Variants in ACAD9 observed in about 807,000 individuals in gnomAD.
ACAD9 encodes the protein acyl-CoA dehydrogenase family member 9, also known as complex I assembly factor ACAD9, mitochondrial.
In ACAD9, 53 loss-of-function variants were observed where a neutral mutation model predicts 70.2. That is an observed-to-expected ratio of 0.75 (90% CI 0.61 to 0.95). The LOEUF (loss-of-function observed/expected upper bound fraction) is 0.95, where lower values mean the gene tolerates loss of function less well. Ranked by LOEUF, ACAD9 falls within the 40% of genes least tolerant of loss-of-function variation. The probability of loss-of-function intolerance (pLI) is 0.00; values close to 1 mark genes in which losing one functional copy is unlikely to be tolerated. For synonymous variants in ACAD9, 313 were observed against 312.1 expected, an observed-to-expected ratio of 1.00 and a Z score of -0.03; for missense variants, 777 against 802.8, an observed-to-expected ratio of 0.97 and a Z score of 0.39.
chr3:128,880,548 C>CT (rs34401569), intron 1 of ACAD9, among the ~76,000 whole-genome samples: 356 of 145,840 alleles, frequency 2.4e-3, no homozygotes, highest in South Asian at 4.6e-3. Flanking sequence ...GCCTGCCCGG[C>CT]TTTTTTTTTT....
chr3:128,900,486 C>T (rs1164695470), intron 7 of ACAD9, among the ~76,000 whole-genome samples: 1 of 151,672 alleles, frequency 6.6e-6, no homozygotes, highest in Non-Finnish European at 1.5e-5. Flanking sequence ...GATCCGCTCA[C>T]CTCGGCCTCC....
chr3:128,880,227 T>C, intron 1 of ACAD9: 1 of 374,962 alleles, frequency 2.7e-6, no homozygotes. Context: ...TCCAGCGCCC[T>C]GGGGCTTCCT....
chr3:128,888,046 C>G (rs544749018), intron 2 of ACAD9, among the ~76,000 whole-genome samples: 1 of 152,266 alleles, frequency 6.6e-6, no homozygotes, highest in Admixed American at 6.5e-5. Context: ...AGAATAAAAG[C>G]ACAAATATTG....
chr3:128,909,170 T>G (rs1448097047), intron 14 of ACAD9, 71 bp downstream of exon 14: 2 of 1,606,918 alleles, frequency 1.2e-6, no homozygotes, highest in Non-Finnish European at 1.7e-6. Flanking sequence ...GCAGAAAAGA[T>G]CTCACTGTGG....
intron 17 of ACAD9, among the ~76,000 whole-genome samples, chr3:128,912,185 C>T (rs1300444182): frequency 6.6e-6 from 1 of 152,170 alleles, no homozygotes; most frequent in East Asian, 1.9e-4. Context: ...AGGTTATGTG[C>T]TGTGGAGGGT....
At position 128,902,131 on chromosome 3, in the gene ACAD9, C is replaced by A. The variant is rs193041851; in HGVS notation, c.883-422C>A. 1.3e-5 allele frequency among the ~76,000 whole-genome samples: 2 copies of A among 152,326 alleles called. No homozygotes were observed. The highest frequency in any genetic ancestry group is 2.9e-5 in the Non-Finnish European group (2 of 68,032). ...CAGCTGATGGACATTGGGGTTGTTA[C>A]CGCTTTTGGCTGCTATCAGTAATGC... On this transcript the variant is annotated intron_variant, in intron 8 of 17. Transcript: ENST00000308982. This position sits in a 1 kb window ranked among gnomAD's most constrained non-coding sequence, Gnocchi z 4.0.
chr3:128,889,564 A>G (rs1053735728), intron 2 of ACAD9, among the ~76,000 whole-genome samples: 1 of 152,032 alleles, frequency 6.6e-6, no homozygotes, highest in Non-Finnish European at 1.5e-5. Context: ...GCAACTGCTG[A>G]TCTGTTTTCT....
intron 1 of ACAD9, among the ~76,000 whole-genome samples, chr3:128,884,267 A>G (rs1935180472): frequency 6.6e-6 from 1 of 152,202 alleles, no homozygotes; most frequent in African/African-American, 2.4e-5. Flanking sequence ...AGAAAGGGGT[A>G]GTTTAGAGAG....
intron 2 of ACAD9, among the ~76,000 whole-genome samples, chr3:128,887,562 C>T (rs1056105129): frequency 1.3e-5 from 2 of 150,758 alleles, no homozygotes; most frequent in Non-Finnish European, 2.9e-5. Flanking sequence ...CAGCTGTGTT[C>T]ATGCCATTGA....
rs1935034068 is a variant in ACAD9 at position 128,879,822 on chromosome 3, T to A, written c.131T>A (p.Phe44Tyr). 3 of 1,614,088 alleles carry A rather than the reference T, an allele frequency of 1.9e-6. No individual in the cohort carries two copies. In the East Asian group the frequency reaches 6.7e-5, roughly 36 times the overall value. Residue 44 changes from phenylalanine to tyrosine, a missense_variant, in exon 1 of 18, where the codon TTC (phenylalanine) becomes TAC (tyrosine). Phe to Tyr is a conservative substitution (Grantham distance 22, BLOSUM62 3). Transcript: ENST00000308982. ...PPVRAFAKEL[F>Y]LGKIKKKEVF... is the part of the protein sequence containing the mutation. ...GTACGAGCTTTCGCCAAAGAGCTTTTCCTAGGCAAAATCAAGAAGGTAACG... is the reference window on the plus strand; with the variant it reads ...GTACGAGCTTTCGCCAAAGAGCTTTACCTAGGCAAAATCAAGAAGGTAACG...
chr3:128,903,816 C>G (rs1362069086), intron 9 of ACAD9, among the ~76,000 whole-genome samples: 2 of 152,168 alleles, frequency 1.3e-5, no homozygotes, highest in Non-Finnish European at 2.9e-5. Flanking sequence ...CCTGTAAGAA[C>G]CATTGCCAGG....
chr3:128,906,069 C>G (rs1248942366), intron 11 of ACAD9, 52 bp from the exon 12 acceptor site: 8 of 1,613,382 alleles, frequency 5.0e-6, no homozygotes, highest in Non-Finnish European at 1.7e-6. Context: ...CCACCCAGCT[C>G]CCTGCAGCGT....
At chr3:128,887,179 A>C (rs922538004) in intron 2 of ACAD9, among the ~76,000 whole-genome samples, 8 of 152,104 alleles carry the variant, frequency 5.3e-5, no homozygotes, top group Admixed American at 1.3e-4. Flanking sequence ...CCTGTAATCC[A>C]AAGTGCTGGG....
At chr3:128,880,123 A>T (rs1935044542) in intron 1 of ACAD9, 1 of 1,066,750 alleles carries the variant, frequency 9.4e-7, no homozygotes, top group African/African-American at 1.6e-5. Context: ...TAATTAACAA[A>T]GCAGCCTTCA....
rs1576343245 is a variant in ACAD9, at chr3:128,902,665, C to A, written c.958+37C>A. The A allele has an allele frequency of 1.2e-6, 2 of 1,606,618 alleles. No homozygotes were observed. The highest frequency in any genetic ancestry group is 2.2e-5 in the South Asian group (2 of 90,632). On this transcript the variant is annotated intron_variant, in intron 9 of 17. Transcript: ENST00000308982. The surrounding 1 kb of genome is among the most constrained non-coding windows in gnomAD (Gnocchi z 4.0). ...AGGGACAAGGCCCTTTGTGCCCCAC[C>A]CCCTGCTGCCCCGGCTCCAACCCTG...
At chr3:128,903,024 C>T (rs1935785728) in intron 9 of ACAD9, among the ~76,000 whole-genome samples, 1 of 152,120 alleles carries the variant, frequency 6.6e-6, no homozygotes, top group South Asian at 2.1e-4. Context: ...GTCCGTGCCT[C>T]CTGGGTGACT....
intron 7 of ACAD9, among the ~76,000 whole-genome samples, 153 bp from the exon 8 acceptor site, chr3:128,901,123 G>A (rs779286914): frequency 2.0e-4 from 30 of 152,158 alleles, no homozygotes; most frequent in Non-Finnish European, 3.8e-4. Context: ...CAAAGTATGA[G>A]CCTCCACAAA....
chr3:128,897,791 G>T, intron 6 of ACAD9, 81 bp downstream of exon 6: 1 of 1,272,468 alleles, frequency 7.9e-7, no homozygotes. Flanking sequence ...CCACACACCA[G>T]GGATTGTACC....
intron 2 of ACAD9, among the ~76,000 whole-genome samples, chr3:128,885,903 G>C (rs1157150617): frequency 6.6e-6 from 1 of 151,750 alleles, no homozygotes; most frequent in Non-Finnish European, 1.5e-5. Flanking sequence ...TGTAATCCCG[G>C]CTATTCAGGA....
Sources: allele counts gnomAD v4.1 joint callset (sites outside exome capture counted in the v4.1 genomes callset), GRCh38; gene constraint gnomAD v4.1.1; non-coding constraint Gnocchi (gnomAD v3.1); transcripts MANE v1.5; gene names NCBI Gene and HGNC (gene_info 2026-07-23, HGNC 2026-07-21).